EYS: variants seen among roughly 807,000 people sequenced by gnomAD.
EYS encodes the protein protein eyes shut homolog.
In EYS, 250 loss-of-function variants were observed where a neutral mutation model predicts 282.1. The ratio of observed to expected loss-of-function variants is 0.89; its 90% CI spans 0.80 to 0.98. The LOEUF is 0.98. EYS is among the 50% of genes least tolerant of loss of function. The probability of loss-of-function intolerance (pLI) is 0.00; values close to 1 mark genes in which losing one functional copy is unlikely to be tolerated. For missense variants in EYS, 4,016 were observed against 3,709.0 expected, an observed-to-expected ratio of 1.08 and a Z score of -2.15; for synonymous variants, 1,355 against 1,282.9, an observed-to-expected ratio of 1.06 and a Z score of -1.20.
chr6:64,969,039 AC>A (rs1294594980), intron 14 of EYS, among the ~76,000 whole-genome samples: 2 of 147,862 alleles, frequency 1.4e-5, no homozygotes. Context: ...TCTTTCCTTC[AC>A]TCTCTCACAG....
At chr6:64,264,705 T>C (rs1562278422) in intron 30 of EYS, among the ~76,000 whole-genome samples, 1 of 151,774 alleles carries the variant, frequency 6.6e-6, no homozygotes, top group East Asian at 1.9e-4. Flanking sequence ...AGTTTAGGAG[T>C]TTGAGACCAG....
chr6:64,442,181 G>C (rs1221005418), intron 26 of EYS, among the ~76,000 whole-genome samples: 1 of 152,174 alleles, frequency 6.6e-6, no homozygotes, highest in Non-Finnish European at 1.5e-5. Flanking sequence ...GGGAAATGGA[G>C]CAAAGGTGAC....
intron 29 of EYS, among the ~76,000 whole-genome samples, chr6:64,311,068 A>C (rs1769680690): frequency 6.6e-6 from 1 of 151,982 alleles, no homozygotes; most frequent in South Asian, 2.1e-4. Flanking sequence ...ATAATTTATT[A>C]AAATTAATAA....
At chr6:64,374,460 T>G (rs1394095153) in intron 29 of EYS, among the ~76,000 whole-genome samples, 1 of 152,082 alleles carries the variant, frequency 6.6e-6, no homozygotes. Flanking sequence ...TATCCCAGTC[T>G]TGCACAGATC....
chr6:64,323,958 T>C (rs760043849), intron 29 of EYS, among the ~76,000 whole-genome samples: 4 of 152,154 alleles, frequency 2.6e-5, no homozygotes, highest in East Asian at 1.9e-4. Flanking sequence ...TGTGGGATCA[T>C]CTAAGTTTAC....
chr6:64,380,683 A>C (rs182549052), intron 29 of EYS, among the ~76,000 whole-genome samples: 1 of 152,284 alleles, frequency 6.6e-6, no homozygotes, highest in East Asian at 1.9e-4. Flanking sequence ...TATACACCAA[A>C]TAATTTTAGC....
At chr6:64,397,607 G>C (rs1383673295) in intron 28 of EYS, among the ~76,000 whole-genome samples, 1 of 151,760 alleles carries the variant, frequency 6.6e-6, no homozygotes, top group African/African-American at 2.4e-5. Context: ...ATTGGTTTTG[G>C]AACTCCCACA....
At chr6:65,328,254 T>C (rs1184686482) in intron 11 of EYS, among the ~76,000 whole-genome samples, 1 of 151,430 alleles carries the variant, frequency 6.6e-6, no homozygotes, top group African/African-American at 2.4e-5. Context: ...CCAAGATGCC[T>C]CTAGAAGACA....
At chr6:64,092,578 TG>T (rs1772409156) in intron 31 of EYS, among the ~76,000 whole-genome samples, 1 of 152,224 alleles carries the variant, frequency 6.6e-6, no homozygotes, top group Non-Finnish European at 1.5e-5. Context: ...TCATATCCTT[TG>T]CCCACTTTTT....
intron 1 of EYS, among the ~76,000 whole-genome samples, chr6:65,646,550 T>A (rs1271384531): frequency 6.6e-6 from 1 of 152,064 alleles, no homozygotes; most frequent in Non-Finnish European, 1.5e-5. Context: ...ATCTATGACA[T>A]ACCCACAGCC....
chr6:64,234,570 A>G (rs1406837006), intron 30 of EYS, among the ~76,000 whole-genome samples: 1 of 152,168 alleles, frequency 6.6e-6, no homozygotes, highest in African/African-American at 2.4e-5. Flanking sequence ...TTGCATACAT[A>G]GTGTACCCAT....
intron 35 of EYS, among the ~76,000 whole-genome samples, chr6:63,954,384 C>T (rs529295310): frequency 6.6e-6 from 1 of 152,320 alleles, no homozygotes; most frequent in East Asian, 1.9e-4. Context: ...CTCAGGCCCT[C>T]ACTCTTGCAA....
chr6:65,330,953 C>A, intron 11 of EYS: 1 of 984,248 alleles, frequency 1.0e-6, no homozygotes. Context: ...GAGATTATAG[C>A]CAAATTTCTC....
chr6:64,982,790 T>G (rs1770721477), intron 14 of EYS, among the ~76,000 whole-genome samples: 1 of 151,236 alleles, frequency 6.6e-6, no homozygotes, highest in Non-Finnish European at 1.5e-5. Flanking sequence ...AAACAAAAAC[T>G]GATTTTGTTG....
intron 13 of EYS, among the ~76,000 whole-genome samples, chr6:65,033,552 C>T (rs1307781106): frequency 6.6e-6 from 1 of 152,102 alleles, no homozygotes; most frequent in Non-Finnish European, 1.5e-5. Flanking sequence ...AGGTACAGCT[C>T]CAGGCTGCCA....
chr6:63,950,308 G>A (rs1367364533), intron 35 of EYS, among the ~76,000 whole-genome samples: 3 of 151,932 alleles, frequency 2.0e-5, no homozygotes, highest in Admixed American at 6.6e-5. Context: ...AAGTGAAAAT[G>A]TCCGGTTCCT....
chr6:65,687,144 A>G (rs1260014386), intron 1 of EYS, among the ~76,000 whole-genome samples: 1 of 152,088 alleles, frequency 6.6e-6, no homozygotes, highest in Non-Finnish European at 1.5e-5. Flanking sequence ...AAATATTCAG[A>G]TTTAAGTTTA....
chr6:65,022,451 T>C (rs1772277770), intron 13 of EYS, among the ~76,000 whole-genome samples: 1 of 152,164 alleles, frequency 6.6e-6, no homozygotes, highest in African/African-American at 2.4e-5. Context: ...ACATCTTGGC[T>C]AGGCTGTTAT....
Position 64,880,120 on chromosome 6 carries a change from C to T in EYS, c.2992+6577G>A, listed in dbSNP as rs192516978. On this transcript the variant is annotated intron_variant, in intron 19 of 42. Coordinates refer to ENST00000503581, the MANE Select transcript of EYS (RefSeq NM_001142800.2). ...CTGTAACTGTTAAGCATAGTCATTG[C>T]TAAACACAGGGCCCTCATTACACAC... 1.7e-3 allele frequency among the ~76,000 whole-genome samples: 259 copies of T among 151,994 alleles called. 1 individual carries two copies. Among genetic ancestry groups the T allele is most frequent in the African/African-American group, 6.0e-3 (249 of 41,498 alleles).
Sources: allele counts gnomAD v4.1 joint callset (sites outside exome capture counted in the v4.1 genomes callset), GRCh38; gene constraint gnomAD v4.1.1; transcripts MANE v1.5; gene names NCBI Gene and HGNC (gene_info 2026-07-23, HGNC 2026-07-21).